The following CYRIA variants were observed in gnomAD, a reference collection of about 807,000 sequenced individuals.
CYRIA encodes CYFIP related Rac1 interactor A.
In CYRIA, 15 loss-of-function variants were observed where a neutral mutation model predicts 43.9. The ratio of observed to expected loss-of-function variants is 0.34; its 90% CI spans 0.23 to 0.53. CYRIA has a LOEUF of 0.53. Among genes scored for constraint, CYRIA ranks in the 20% least tolerant of loss-of-function variants. The probability of loss-of-function intolerance (pLI) is 0.94; values close to 1 mark genes in which losing one functional copy is unlikely to be tolerated. For missense variants in CYRIA, 236 were observed against 394.2 expected (o/e 0.60, Z 3.40); for synonymous variants, 117 against 136.0 (o/e 0.86, Z 0.97).
intron 1 of CYRIA, among the ~76,000 whole-genome samples, chr2:16,629,288 C>T (rs1390566836): frequency 6.6e-6 from 1 of 152,190 alleles, no homozygotes; most frequent in African/African-American, 2.4e-5. Flanking sequence ...GTGAGAGATC[C>T]TCCCTTTTCC....
intron 3 of CYRIA, among the ~76,000 whole-genome samples, chr2:16,573,070 T>A (rs1348777904): frequency 6.6e-6 from 1 of 152,208 alleles, no homozygotes; most frequent in African/African-American, 2.4e-5. Context: ...CACACCCCAC[T>A]ACTGCCGTTT....
intron 1 of CYRIA, among the ~76,000 whole-genome samples, chr2:16,652,621 CT>C (rs1558443407): frequency 6.6e-6 from 1 of 152,214 alleles, no homozygotes; most frequent in East Asian, 1.9e-4. Flanking sequence ...CTGCTACCCC[CT>C]GCCACCCTCT....
intron 1 of CYRIA, among the ~76,000 whole-genome samples, chr2:16,637,395 A>G (rs575396373): frequency 6.6e-6 from 1 of 152,248 alleles, no homozygotes; most frequent in East Asian, 1.9e-4. Context: ...TGGCCTTCTC[A>G]AAAGAGACAC....
intron 1 of CYRIA, among the ~76,000 whole-genome samples, chr2:16,642,727 C>G (rs1288387808): frequency 6.6e-6 from 1 of 152,216 alleles, no homozygotes; most frequent in African/African-American, 2.4e-5. Flanking sequence ...AGCTTGTCCT[C>G]AAATCTGTCA....
chr2:16,586,394 GT>G (rs1326064486), intron 3 of CYRIA, among the ~76,000 whole-genome samples: 4 of 151,802 alleles, frequency 2.6e-5, no homozygotes, highest in South Asian at 2.1e-4. Flanking sequence ...TGTGTGTGTG[GT>G]TTTTTTTAGA....
chr2:16,570,704 T>C (rs973426916), intron 3 of CYRIA, among the ~76,000 whole-genome samples: 2 of 152,198 alleles, frequency 1.3e-5, no homozygotes, highest in African/African-American at 4.8e-5. Flanking sequence ...AGCTGTGAAC[T>C]GTGTGCTTGG....
At position 16,558,751 on chromosome 2, in the gene CYRIA, A is replaced by G. The variant is rs142270671; in HGVS notation, c.837+709T>C. ...TATGTGCCAGGTACTGTGTGAGGCA[A>G]TAGAGCAGACATGAGGTATATAGAT... is the stretch of plus-strand genomic sequence containing the variant. On this transcript the variant is annotated intron_variant, in intron 10 of 11. Coordinates refer to ENST00000381323, the MANE Select transcript of CYRIA (RefSeq NM_030797.4). Among the ~76,000 whole-genome samples the G allele has an allele frequency of 2.8e-3, 421 of 152,256 alleles. 2 individuals carry two copies. The highest frequency in any genetic ancestry group is 6.3e-3 in the Admixed American group (97 of 15,284).
chr2:16,610,897 C>CATATATATAT (rs60848949), intron 2 of CYRIA, among the ~76,000 whole-genome samples: 1,155 of 91,924 alleles, frequency 0.013, 54 homozygotes, highest in Non-Finnish European at 0.016. Flanking sequence ...TTAGTCCCAA[C>CATATATATAT]ATATATATAT....
intron 3 of CYRIA, among the ~76,000 whole-genome samples, chr2:16,573,793 C>T (rs1667226295): frequency 6.6e-6 from 1 of 152,208 alleles, no homozygotes; most frequent in African/African-American, 2.4e-5. Flanking sequence ...TGTGAGGCCT[C>T]TCTAGCCATG....
At chr2:16,592,200 G>A (rs933503032) in intron 2 of CYRIA, among the ~76,000 whole-genome samples, 1 of 152,114 alleles carries the variant, frequency 6.6e-6, no homozygotes, top group Admixed American at 6.5e-5. Context: ...GTTCAACCAA[G>A]AGGTATGATA....
intron 1 of CYRIA, among the ~76,000 whole-genome samples, chr2:16,658,927 T>C (rs1003822602): frequency 6.6e-6 from 1 of 152,170 alleles, no homozygotes; most frequent in Non-Finnish European, 1.5e-5. Context: ...GAGAAGTAAG[T>C]TGGATACCAC....
intron 1 of CYRIA, among the ~76,000 whole-genome samples, chr2:16,656,322 CAT>C (rs1316684655): frequency 1.3e-5 from 2 of 152,140 alleles, no homozygotes; most frequent in Non-Finnish European, 2.9e-5. Flanking sequence ...CATAAACACA[CAT>C]ATATTCCAAC....
At chr2:16,634,056 T>C (rs74841009) in intron 1 of CYRIA, among the ~76,000 whole-genome samples, 5,800 of 152,232 alleles carry the variant, frequency 0.038, 364 homozygotes, top group African/African-American at 0.13. Context: ...TAGGAGCACA[T>C]GACACTGAGT....
intron 1 of CYRIA, among the ~76,000 whole-genome samples, chr2:16,652,362 G>A (rs1224982762): frequency 1.3e-5 from 2 of 152,166 alleles, no homozygotes; most frequent in South Asian, 2.1e-4. Context: ...CAGAGGATAC[G>A]AGGTGGGAGC....
At chr2:16,574,674 G>A (rs1030112784) in intron 3 of CYRIA, among the ~76,000 whole-genome samples, 5 of 152,218 alleles carry the variant, frequency 3.3e-5, no homozygotes, top group Non-Finnish European at 5.9e-5. Flanking sequence ...GAGGGTGCAA[G>A]TCCCAAGCCA....
At chr2:16,620,503 A>G (rs1668957218) in intron 2 of CYRIA, among the ~76,000 whole-genome samples, 2 of 152,232 alleles carry the variant, frequency 1.3e-5, no homozygotes, top group African/African-American at 2.4e-5. Flanking sequence ...AGCCAAGGAA[A>G]CTATAATCTT....
chr2:16,619,738 A>G lies in CYRIA; in HGVS notation c.-11+4126T>C, dbSNP rs569129107. Among the ~76,000 whole-genome samples the G allele has an allele frequency of 7.9e-5, 12 of 152,316 alleles. No homozygotes were observed. The East Asian group carries it at 2.3e-3, about 29-fold the overall frequency. ...AAAGTGGGAGGATGAGGAGGTGGCT[A>G]CTAATGGATTTTTGAAAAGCAGAGT... On this transcript the variant is annotated intron_variant, in intron 2 of 11. Transcript: ENST00000381323.
chr2:16,565,934 T>C (rs1666914295), intron 3 of CYRIA, among the ~76,000 whole-genome samples, 167 bp from the exon 4 acceptor site: 1 of 152,224 alleles, frequency 6.6e-6, no homozygotes, highest in Admixed American at 6.5e-5. Flanking sequence ...GGAAAACTGA[T>C]GAAACTTCTG....
Position 16,549,873 on chromosome 2 carries a change from T to C in CYRIA, c.*3063A>G, listed in dbSNP as rs1344778609. ...AAGGTCTTAATTTAATGGTGATAAC[T>C]AGGAGCAAATGTTGATCAAGCATGA... On this transcript the variant is annotated 3_prime_UTR_variant, in exon 12 of 12. Coordinates refer to ENST00000381323, the MANE Select transcript of CYRIA (RefSeq NM_030797.4). The C allele has an allele frequency of 6.6e-6, 1 of 152,080 alleles. No homozygotes were observed. The highest frequency in any genetic ancestry group is 1.5e-5 in the Non-Finnish European group (1 of 67,996). 9.4% of individuals were successfully genotyped at this position (152,080 alleles called of 1,614,324 possible). A position where few individuals can be genotyped will look rare whatever the true frequency, so the allele number is the denominator to read the frequency against.
Sources: allele counts gnomAD v4.1 joint callset (sites outside exome capture counted in the v4.1 genomes callset), GRCh38; gene constraint gnomAD v4.1.1; transcripts MANE v1.5; gene names NCBI Gene and HGNC (gene_info 2026-07-23, HGNC 2026-07-21).